The following VPS50 variants were observed in gnomAD, a reference collection of about 807,000 sequenced individuals.
VPS50 encodes the protein syndetin.
VPS50 carries 70 observed loss-of-function variants against 139.7 expected under a neutral mutation model. The observed-to-expected ratio is 0.50, with a 90% CI of 0.41 to 0.61. VPS50 has a LOEUF of 0.61. Ranked by LOEUF, VPS50 falls within the 20% of genes least tolerant of loss-of-function variation. The probability of loss-of-function intolerance (pLI) is 0.00; values close to 1 mark genes in which losing one functional copy is unlikely to be tolerated. For missense variants in VPS50, 921 were observed against 1,133.7 expected (o/e 0.81, Z 2.69); for synonymous variants, 365 against 376.7 (o/e 0.97, Z 0.36).
At chr7:93,272,517 G>A (rs1256524893) in intron 10 of VPS50, 118 bp from the exon 11 acceptor site, 1 of 451,004 alleles carries the variant, frequency 2.2e-6, no homozygotes, top group Non-Finnish European at 3.9e-6. Flanking sequence ...AATCTGGTAT[G>A]ATAGTAAATG....
chr7:93,286,870 A>C (rs980194830), intron 12 of VPS50, among the ~76,000 whole-genome samples: 1 of 152,086 alleles, frequency 6.6e-6, no homozygotes, highest in African/African-American at 2.4e-5. Context: ...GACAATTGAC[A>C]CCAGTTGGTT....
At chr7:93,327,354 T>TATTG (rs1797812492) in intron 21 of VPS50, among the ~76,000 whole-genome samples, 2 of 151,854 alleles carry the variant, frequency 1.3e-5, no homozygotes, top group South Asian at 2.1e-4. Context: ...CAGACCACAT[T>TATTG]ATTGATAAGA....
At chr7:93,248,577 G>A (rs1795223717) in intron 2 of VPS50, among the ~76,000 whole-genome samples, 3 of 152,012 alleles carry the variant, frequency 2.0e-5, no homozygotes, top group African/African-American at 4.8e-5. Flanking sequence ...TGAAACAAGA[G>A]CATATTGTCT....
chr7:93,349,012 A>G (rs1798482964), intron 24 of VPS50, among the ~76,000 whole-genome samples: 2 of 152,198 alleles, frequency 1.3e-5, no homozygotes, highest in Admixed American at 6.5e-5. Flanking sequence ...CTAGTGAGAG[A>G]GAGAGCATCA....
At chr7:93,312,058 T>A (rs573916056) in intron 20 of VPS50, among the ~76,000 whole-genome samples, 2 of 152,292 alleles carry the variant, frequency 1.3e-5, no homozygotes, top group South Asian at 4.1e-4. Flanking sequence ...TGAAATAGTC[T>A]GTGTTCTTTA....
chr7:93,294,033 C>A (rs1296491227), intron 13 of VPS50, among the ~76,000 whole-genome samples: 1 of 152,192 alleles, frequency 6.6e-6, no homozygotes, highest in African/African-American at 2.4e-5. Flanking sequence ...GGAGGCAGAT[C>A]ACTGATCTTA....
chr7:93,355,557 C>T (rs1300784463), intron 26 of VPS50, among the ~76,000 whole-genome samples: 2 of 152,150 alleles, frequency 1.3e-5, no homozygotes, highest in Non-Finnish European at 2.9e-5. Flanking sequence ...TAAAGTAACT[C>T]TTGGCAGCCA....
At chr7:93,258,460 C>T in intron 8 of VPS50, 68 bp downstream of exon 8, 1 of 1,196,978 alleles carries the variant, frequency 8.4e-7, no homozygotes. Flanking sequence ...AGACAAAATT[C>T]AGAAGTGCAT....
At chr7:93,236,428 T>G (rs1373355429) in intron 1 of VPS50, among the ~76,000 whole-genome samples, 2 of 152,214 alleles carry the variant, frequency 1.3e-5, no homozygotes, top group Non-Finnish European at 2.9e-5. Flanking sequence ...AAGACATAGT[T>G]GCTGGTTTCG....
intron 6 of VPS50, among the ~76,000 whole-genome samples, chr7:93,257,938 A>G (rs1795539326): frequency 6.6e-6 from 1 of 152,008 alleles, no homozygotes. Flanking sequence ...ATTTTTTGTT[A>G]TAGACCACTA....
chr7:93,297,008 T>A (rs1000158572), intron 15 of VPS50, 137 bp from the exon 16 acceptor site: 5 of 1,451,742 alleles, frequency 3.4e-6, no homozygotes, highest in Non-Finnish European at 4.5e-6. Context: ...TAAACCTTTA[T>A]GGATTTGTGA....
At chr7:93,234,994 GGAAAAGAGGATA>G (rs1315799905) in intron 1 of VPS50, among the ~76,000 whole-genome samples, 1 of 152,088 alleles carries the variant, frequency 6.6e-6, no homozygotes, top group Non-Finnish European at 1.5e-5. Context: ...ACACTGTAGA[GGAAAAGAGGATA>G]GAAAGTCCTG....
chr7:93,349,703 A>G (rs904353542), intron 24 of VPS50, among the ~76,000 whole-genome samples, 172 bp from the exon 25 acceptor site: 2 of 152,232 alleles, frequency 1.3e-5, no homozygotes, highest in African/African-American at 4.8e-5. Flanking sequence ...GTTTTGAGTA[A>G]GGCCTTTGCC....
chr7:93,265,190 A>G (rs1795804276), intron 9 of VPS50, among the ~76,000 whole-genome samples: 1 of 152,072 alleles, frequency 6.6e-6, no homozygotes, highest in African/African-American at 2.4e-5. Context: ...ACAGACACAT[A>G]TACACACATA....
chr7:93,319,142 G>T (rs534775704), intron 20 of VPS50, among the ~76,000 whole-genome samples: 2 of 152,114 alleles, frequency 1.3e-5, no homozygotes, highest in East Asian at 3.9e-4. Flanking sequence ...TTTTTTGGAA[G>T]ATGCCAATAT....
intron 12 of VPS50, chr7:93,276,552 C>T (rs186898028): frequency 3.5e-4 from 155 of 448,970 alleles, no homozygotes; most frequent in Non-Finnish European, 5.0e-4. Flanking sequence ...CATTTCATAG[C>T]TTCTTTTACC....
At chr7:93,344,443 A>T (rs1490594889) in intron 23 of VPS50, among the ~76,000 whole-genome samples, 1 of 152,206 alleles carries the variant, frequency 6.6e-6, no homozygotes, top group Non-Finnish European at 1.5e-5. Flanking sequence ...GTTAACAAGG[A>T]TACCCAGGAA....
intron 9 of VPS50, among the ~76,000 whole-genome samples, chr7:93,261,727 T>C (rs186642931): frequency 2.0e-5 from 3 of 150,570 alleles, no homozygotes; most frequent in Non-Finnish European, 4.4e-5. Context: ...AGAAGGAAGT[T>C]GTGCATACAG....
At chr7:93,317,991 TATGTA>T (rs1487634534) in intron 20 of VPS50, among the ~76,000 whole-genome samples, 1 of 151,890 alleles carries the variant, frequency 6.6e-6, no homozygotes, top group African/African-American at 2.4e-5. Context: ...AATATTTTCA[TATGTA>T]ATGTTTAAGG....
Sources: gnomAD v4.1 joint callset for allele counts (sites outside exome capture counted in the v4.1 genomes callset) on GRCh38, gnomAD v4.1.1 for gene constraint, MANE v1.5 for transcripts, NCBI Gene and HGNC (gene_info 2026-07-23, HGNC 2026-07-21) for gene names.